The following PLAGL1 variants were observed in gnomAD, a reference collection of about 807,000 sequenced individuals.
PLAGL1 encodes the protein PLAG1 like zinc finger 1.
Under a neutral mutation model 4.6 loss-of-function variants are expected in PLAGL1, and 1 was observed. That is an observed-to-expected ratio of 0.22 (90% CI 0.08 to 1.03). PLAGL1 has a LOEUF of 1.03. Among genes scored for constraint, PLAGL1 ranks in the 50% least tolerant of loss-of-function variants. The pLI is 0.58. For synonymous variants in PLAGL1, 240 were observed against 237.8 expected (o/e 1.01, Z -0.08); for missense variants, 464 against 570.4 (o/e 0.81, Z 1.90).
intron 1 of PLAGL1, among the ~76,000 whole-genome samples, chr6:143,987,439 T>TTTTTTTC (rs2128622302): frequency 7.2e-6 from 1 of 138,930 alleles, no homozygotes; most frequent in Non-Finnish European, 1.6e-5. Context: ...CACACTGGCT[T>TTTTTTTC]TTTTTTTTTT....
At chr6:144,042,686 A>G (rs1307005176) in intron 1 of PLAGL1, among the ~76,000 whole-genome samples, 1 of 152,182 alleles carries the variant, frequency 6.6e-6, no homozygotes, top group Non-Finnish European at 1.5e-5. Context: ...TGAACTTTAA[A>G]GTGGTTTTTT....
At chr6:143,956,741 G>A (rs747128152) in intron 6 of PLAGL1, among the ~76,000 whole-genome samples, 3 of 152,184 alleles carry the variant, frequency 2.0e-5, no homozygotes, top group African/African-American at 4.8e-5. Context: ...CCAATAAAAC[G>A]TTCTCAACTG....
At chr6:143,943,795 A>C (rs1351140125) in intron 7 of PLAGL1, among the ~76,000 whole-genome samples, 1 of 152,210 alleles carries the variant, frequency 6.6e-6, no homozygotes, top group Non-Finnish European at 1.5e-5. Flanking sequence ...TGGAATTTCA[A>C]AATAGCTCTT....
intron 1 of PLAGL1, among the ~76,000 whole-genome samples, chr6:144,030,732 T>C (rs1043462616): frequency 1.3e-5 from 2 of 152,246 alleles, no homozygotes; most frequent in African/African-American, 2.4e-5. Context: ...ACATTTGCTT[T>C]ATCCACTTGT....
rs137987424 is a variant in PLAGL1 at position 143,997,440 on chromosome 6, A to T, written c.-584+10650T>A. ...GGTAATGGAGTCCTACTCAGAAAAAATACAAAAAGAACTACCTATTGATAG... is the reference window on the plus strand; with the variant it reads ...GGTAATGGAGTCCTACTCAGAAAAATTACAAAAAGAACTACCTATTGATAG... On this transcript the variant is annotated intron_variant, in intron 1 of 7. Transcript: ENST00000674357. The surrounding 1 kb of genome is among the most constrained non-coding windows in gnomAD (Gnocchi z 4.6). Among the ~76,000 whole-genome samples the T allele has an allele frequency of 1.9e-3, 296 of 152,358 alleles. 4 individuals carry two copies. Among genetic ancestry groups the T allele is most frequent in the East Asian group, 0.014 (74 of 5,188 alleles).
chr6:144,032,208 C>T (rs1796884133), intron 1 of PLAGL1, among the ~76,000 whole-genome samples: 1 of 151,056 alleles, frequency 6.6e-6, no homozygotes, highest in Admixed American at 6.6e-5. Context: ...GCAGCCTCAA[C>T]TTCCTGGGCT....
In PLAGL1 at chr6:143,990,718, CA is replaced by C. The variant is rs1376327994; in HGVS notation, c.-583-5545del. Reference sequence around the variant, plus strand: ...AAACGTACCTTCCCTTCAAGATATGCAAGAGCCCAGAGCTGCCCCAAGGCAC... The same window carrying C: ...AAACGTACCTTCCCTTCAAGATATGCAGAGCCCAGAGCTGCCCCAAGGCAC... On this transcript the variant is annotated intron_variant, in intron 1 of 7. Transcript: ENST00000674357. This position sits in a 1 kb window ranked among gnomAD's most constrained non-coding sequence, Gnocchi z 5.4. 1.3e-5 allele frequency among the ~76,000 whole-genome samples: 2 copies of C among 152,210 alleles called. No individual in the cohort carries two copies. The highest frequency in any genetic ancestry group is 6.5e-5 in the Admixed American group (1 of 15,288).
At chr6:144,062,982 A>G (rs1799541421) in intron 1 of PLAGL1, among the ~76,000 whole-genome samples, 1 of 152,106 alleles carries the variant, frequency 6.6e-6, no homozygotes, top group Non-Finnish European at 1.5e-5. Context: ...CCTTTTTCAA[A>G]CCATCCTCCA....
Position 143,941,266 on chromosome 6 carries a change from C to T in PLAGL1, c.*158G>A. Reference sequence around the variant, plus strand: ...ACACTCAGGACAGATTGGCACAATACATGCAGTTCGAGAATTCTCTTATCA... The same window carrying T: ...ACACTCAGGACAGATTGGCACAATATATGCAGTTCGAGAATTCTCTTATCA... On this transcript the variant is annotated 3_prime_UTR_variant, in exon 8 of 8. Coordinates refer to ENST00000674357, the MANE Select transcript of PLAGL1 (RefSeq NM_001317162.2). The surrounding 1 kb of genome is among the most constrained non-coding windows in gnomAD (Gnocchi z 6.0). The T allele has an allele frequency of 1.8e-6, 1 of 556,406 alleles. No homozygotes were observed. The highest frequency in any genetic ancestry group is 3.1e-6 in the Non-Finnish European group (1 of 327,010). 34.5% of individuals were successfully genotyped at this position (556,406 alleles called of 1,614,324 possible).
intron 1 of PLAGL1, among the ~76,000 whole-genome samples, chr6:144,062,872 A>C (rs1464189230): frequency 6.6e-6 from 1 of 152,236 alleles, no homozygotes; most frequent in Non-Finnish European, 1.5e-5. Context: ...GACCGGGGTT[A>C]CCATAGGGCA....
Position 143,954,644 on chromosome 6 carries a change from CAG to C in PLAGL1, c.-325+5823_-325+5824del, listed in dbSNP as rs1222482145. ...GGAGATGATTTTTAAACTAACAAAA[CAG>C]AGTATACTATCTTCATCACATGACA... On this transcript the variant is annotated intron_variant, in intron 6 of 7. Coordinates refer to ENST00000674357, the MANE Select transcript of PLAGL1 (RefSeq NM_001317162.2). The surrounding 1 kb of genome is among the most constrained non-coding windows in gnomAD (Gnocchi z 5.1). 6.6e-6 allele frequency among the ~76,000 whole-genome samples: 1 copy of C among 152,164 alleles called. No homozygotes were observed. The highest frequency in any genetic ancestry group is 1.5e-5 in the Non-Finnish European group (1 of 68,024).
At position 143,950,461 on chromosome 6, in the gene PLAGL1, C is replaced by T. The variant is rs1780813372; in HGVS notation, c.-324-2001G>A. On this transcript the variant is annotated intron_variant, in intron 6 of 7. Coordinates refer to ENST00000674357, the MANE Select transcript of PLAGL1 (RefSeq NM_001317162.2). This position sits in a 1 kb window ranked among gnomAD's most constrained non-coding sequence, Gnocchi z 6.3. ...CTGCTAGGTATCATGATCTGTTCTA[C>T]TTCTCACCCAGCCTAAGTTTGGCCA... Among the ~76,000 whole-genome samples, 2 of 152,176 alleles carry T rather than the reference C, an allele frequency of 1.3e-5. No homozygotes were observed. The highest frequency in any genetic ancestry group is 4.1e-4 in the South Asian group (2 of 4,826).
intron 1 of PLAGL1, among the ~76,000 whole-genome samples, chr6:143,996,257 C>T (rs1251729904): frequency 2.0e-5 from 3 of 152,090 alleles, no homozygotes; most frequent in Non-Finnish European, 4.4e-5. Context: ...CTGGGAGAAT[C>T]CTATCACAGA....
chr6:143,991,852 T>C (rs899169794), intron 1 of PLAGL1, among the ~76,000 whole-genome samples: 2 of 152,088 alleles, frequency 1.3e-5, no homozygotes, highest in Non-Finnish European at 2.9e-5. Flanking sequence ...ACCCAAGGGG[T>C]GGCCAAGGGG....
intron 1 of PLAGL1, among the ~76,000 whole-genome samples, chr6:143,998,165 G>A (rs944450243): frequency 6.6e-6 from 1 of 152,110 alleles, no homozygotes; most frequent in African/African-American, 2.4e-5. Flanking sequence ...AAACTTGGAA[G>A]GAAAGTCCAA....
In PLAGL1 at chr6:143,984,976, A is replaced by G. The variant is rs77136504; in HGVS notation, c.-544+159T>C. On this transcript the variant is annotated intron_variant, in intron 2 of 7. Coordinates refer to ENST00000674357, the MANE Select transcript of PLAGL1 (RefSeq NM_001317162.2). This position sits in a 1 kb window ranked among gnomAD's most constrained non-coding sequence, Gnocchi z 5.5. ...AAAATAACTATTATCTAAGAGTACC[A>G]GAAAAAGTGAGACAGACTTTAAAAT... is the stretch of plus-strand genomic sequence containing the variant. Among the ~76,000 whole-genome samples, 3,584 of 152,302 alleles carry G rather than the reference A, an allele frequency of 0.024. 67 individuals carry two copies. The highest frequency in any genetic ancestry group is 0.032 in the Non-Finnish European group (2,207 of 68,010).
intron 1 of PLAGL1, among the ~76,000 whole-genome samples, chr6:144,044,867 A>G (rs973774756): frequency 6.6e-6 from 1 of 152,152 alleles, no homozygotes; most frequent in African/African-American, 2.4e-5. Context: ...TATTGGATGC[A>G]TATCTATATT....
chr6:144,031,067 C>T (rs1268144008), intron 1 of PLAGL1, among the ~76,000 whole-genome samples: 2 of 152,106 alleles, frequency 1.3e-5, no homozygotes, highest in African/African-American at 2.4e-5. Context: ...GAGGTGATAT[C>T]GCATTGTGGT....
intron 1 of PLAGL1, among the ~76,000 whole-genome samples, chr6:144,020,863 A>C (rs1795928533): frequency 1.4e-5 from 2 of 146,464 alleles, no homozygotes; most frequent in African/African-American, 4.9e-5. Flanking sequence ...AATTACTATA[A>C]TATAAAATAT....
Sources: allele counts gnomAD v4.1 joint callset (sites outside exome capture counted in the v4.1 genomes callset), GRCh38; gene constraint gnomAD v4.1.1; non-coding constraint Gnocchi (gnomAD v3.1); transcripts MANE v1.5; gene names NCBI Gene and HGNC (gene_info 2026-07-23, HGNC 2026-07-21).